Variants in ZMYM4 observed in about 807,000 individuals in gnomAD.
ZMYM4 encodes the protein zinc finger MYM-type containing 4, also known as zinc finger MYM-type protein 4.
A neutral mutation model predicts 183.2 loss-of-function variants in ZMYM4; 31 were observed. The ratio of observed to expected loss-of-function variants is 0.17; its 90% CI spans 0.13 to 0.23. The LOEUF is 0.23. Among genes scored for constraint, ZMYM4 ranks in the 10% least tolerant of loss-of-function variants. The probability of loss-of-function intolerance (pLI) is 1.00; values close to 1 mark genes in which losing one functional copy is unlikely to be tolerated. For synonymous variants in ZMYM4, 592 were observed against 631.2 expected (o/e 0.94, Z 0.93); for missense variants, 1,273 against 1,840.3 (o/e 0.69, Z 5.64).
rs775211352 is a variant in ZMYM4 at position 35,282,980 on chromosome 1, G to GTTTTTTTTTTT, written c.39+13921_39+13931dup. 1.7e-3 allele frequency among the ~76,000 whole-genome samples: 45 copies of GTTTTTTTTTTT among 26,260 alleles called. 18 individuals are homozygous for GTTTTTTTTTTT. Among genetic ancestry groups the GTTTTTTTTTTT allele is most frequent in the Non-Finnish European group, 4.6e-3 (40 of 8,634 alleles). 17.2% of individuals were successfully genotyped at this position (26,260 alleles called of 152,430 possible). Reference sequence around the variant, plus strand: ...ATACTTGTTGTTTTCTGTGTGTGTGGTTTTTTTTTTTTTTTTTTTTTTTTT... The same window carrying GTTTTTTTTTTT: ...ATACTTGTTGTTTTCTGTGTGTGTGGTTTTTTTTTTTTTTTTTTTTTTTTTTTTTTTTTTTT... On this transcript the variant is annotated intron_variant, in intron 1 of 29. Coordinates refer to ENST00000314607, the MANE Select transcript of ZMYM4 (RefSeq NM_005095.3).
chr1:35,397,051 G>C, intron 19 of ZMYM4: 1 of 1,028,826 alleles, frequency 9.7e-7, no homozygotes. Context: ...ATTTTTCCCA[G>C]GTACTGAGTC....
chr1:35,383,553 A>G (rs955101314), intron 9 of ZMYM4, among the ~76,000 whole-genome samples: 4 of 152,066 alleles, frequency 2.6e-5, no homozygotes, highest in Non-Finnish European at 4.4e-5. Context: ...TTTGTTCTCA[A>G]AGAAAAAAAA....
chr1:35,401,138 A>G (rs1422737468), intron 23 of ZMYM4, among the ~76,000 whole-genome samples: 2 of 152,212 alleles, frequency 1.3e-5, no homozygotes, highest in African/African-American at 4.8e-5. Context: ...TTGAGGAAAA[A>G]GATCTAGGAA....
intron 27 of ZMYM4, 34 bp downstream of exon 27, chr1:35,414,117 A>T (rs1040043109): frequency 1.5e-5 from 19 of 1,259,060 alleles, no homozygotes; most frequent in Non-Finnish European, 2.1e-5. Context: ...TTTTCATGAT[A>T]TGCTTTCTTA....
chr1:35,355,213 T>TG (rs1643778310), intron 2 of ZMYM4, among the ~76,000 whole-genome samples: 1 of 143,722 alleles, frequency 7.0e-6, no homozygotes, highest in South Asian at 2.2e-4. Flanking sequence ...TTTTTTTTTT[T>TG]TTTTTTTTTT....
chr1:35,336,118 C>G (rs939558696), intron 2 of ZMYM4, among the ~76,000 whole-genome samples: 3 of 152,124 alleles, frequency 2.0e-5, no homozygotes, highest in African/African-American at 7.2e-5. Flanking sequence ...CCCCTGGCAA[C>G]CTTAGAAGTT....
rs1278247288 is a variant in ZMYM4 at position 35,421,296 on chromosome 1, G to C, written c.*1619G>C. ...AATCTCATTTTTGTTACCAAGAACT[G>C]TATGAAAGAAGTAAATCCACCCCGA... On this transcript the variant is annotated 3_prime_UTR_variant, in exon 30 of 30. Coordinates refer to ENST00000314607, the MANE Select transcript of ZMYM4 (RefSeq NM_005095.3). 6.6e-6 allele frequency: 1 copy of C among 152,572 alleles called. No homozygotes were observed. The highest frequency in any genetic ancestry group is 2.4e-5 in the African/African-American group (1 of 41,430). 9.5% of individuals were successfully genotyped at this position (152,572 alleles called of 1,614,324 possible). A position where few individuals can be genotyped will look rare whatever the true frequency, so the allele number is the denominator to read the frequency against.
intron 5 of ZMYM4, among the ~76,000 whole-genome samples, chr1:35,362,667 G>A (rs1643965580): frequency 6.6e-6 from 1 of 152,024 alleles, no homozygotes; most frequent in African/African-American, 2.4e-5. Context: ...TCAGACTTCT[G>A]TGGAAGTGCT....
intron 1 of ZMYM4, among the ~76,000 whole-genome samples, chr1:35,318,535 G>A (rs1252404872): frequency 6.6e-6 from 1 of 152,114 alleles, no homozygotes; most frequent in African/African-American, 2.4e-5. Context: ...TCGGCTCACT[G>A]CAACCTCCGT....
chr1:35,379,343 C>T (rs952123896), intron 7 of ZMYM4, among the ~76,000 whole-genome samples: 6 of 152,212 alleles, frequency 3.9e-5, no homozygotes, highest in African/African-American at 1.4e-4. Context: ...TTGTGACCCA[C>T]CCACCTCGAC....
intron 2 of ZMYM4, among the ~76,000 whole-genome samples, chr1:35,335,436 CA>C (rs1642931241): frequency 6.6e-6 from 1 of 151,996 alleles, no homozygotes; most frequent in South Asian, 2.1e-4. Flanking sequence ...GAGGTTTCAC[CA>C]TGCTGGCAAG....
Position 35,381,769 on chromosome 1 carries a change from A to G in ZMYM4, c.1569+11A>G, listed in dbSNP as rs754241493. 30 of 1,612,618 alleles carry G rather than the reference A, an allele frequency of 1.9e-5. No homozygotes were observed. The Admixed American group carries it at 2.5e-4, about 13-fold the overall frequency. ...ACGGCATACAAGCAGGTACATGACCATATTTAATCTTGATGTCTTTGTTCA... is the reference window on the plus strand; with the variant it reads ...ACGGCATACAAGCAGGTACATGACCGTATTTAATCTTGATGTCTTTGTTCA... On this transcript the variant is annotated intron_variant, in intron 9 of 29. Coordinates refer to ENST00000314607, the MANE Select transcript of ZMYM4 (RefSeq NM_005095.3).
intron 5 of ZMYM4, among the ~76,000 whole-genome samples, chr1:35,368,770 A>G (rs186356956): frequency 1.4e-4 from 21 of 152,302 alleles, no homozygotes; most frequent in African/African-American, 3.8e-4. Context: ...ATTGTACTGA[A>G]TATGCGGAAA....
At chr1:35,336,148 CT>C (rs2148847918) in intron 2 of ZMYM4, among the ~76,000 whole-genome samples, 2 of 152,254 alleles carry the variant, frequency 1.3e-5, no homozygotes, top group South Asian at 4.1e-4. Flanking sequence ...AAGAGTTTGA[CT>C]ATGGTAGTAA....
rs1237913314 is a variant in ZMYM4, at chr1:35,268,997, T to A, written c.-50T>A. 18 of 1,514,106 alleles carry A rather than the reference T, an allele frequency of 1.2e-5. No homozygotes were observed. The highest frequency in any genetic ancestry group is 1.6e-5 in the Non-Finnish European group (18 of 1,131,016). The allele number at this position is 1,514,106 out of a possible 1,614,324, so 93.8% of individuals were successfully genotyped here. A position where few individuals can be genotyped will look rare whatever the true frequency, so the allele number is the denominator to read the frequency against. The stretch of plus-strand genomic sequence containing the variant: ...GGGCGGGGGCCGGGGGGCCGAGAGG[T>A]ACCGCCGCCACCGCGCGGGGAGCCG... On this transcript the variant is annotated 5_prime_UTR_variant, in exon 1 of 30. Coordinates refer to ENST00000314607, the MANE Select transcript of ZMYM4 (RefSeq NM_005095.3).
chr1:35,337,087 G>A (rs912564088), intron 2 of ZMYM4, among the ~76,000 whole-genome samples: 6 of 152,102 alleles, frequency 3.9e-5, no homozygotes, highest in African/African-American at 1.4e-4. Flanking sequence ...GGCCGGGCAC[G>A]GTGGCTCACA....
chr1:35,337,165 C>A (rs763715306), intron 2 of ZMYM4, among the ~76,000 whole-genome samples: 2 of 152,070 alleles, frequency 1.3e-5, no homozygotes, highest in Non-Finnish European at 2.9e-5. Context: ...TCGAGACCAG[C>A]CTGGCCAACA....
intron 1 of ZMYM4, among the ~76,000 whole-genome samples, chr1:35,290,402 T>C (rs772848009): frequency 2.0e-5 from 3 of 152,238 alleles, no homozygotes; most frequent in Non-Finnish European, 2.9e-5. Flanking sequence ...TAACATCACA[T>C]GTACAGTTCT....
chr1:35,282,207 G>A (rs1215930238), intron 1 of ZMYM4, among the ~76,000 whole-genome samples: 1 of 152,200 alleles, frequency 6.6e-6, no homozygotes, highest in African/African-American at 2.4e-5. Context: ...TTCCCAATAT[G>A]GCAGTATTAG....
Sources: allele counts gnomAD v4.1 joint callset (sites outside exome capture counted in the v4.1 genomes callset), GRCh38; gene constraint gnomAD v4.1.1; transcripts MANE v1.5; gene names NCBI Gene and HGNC (gene_info 2026-07-23, HGNC 2026-07-21).